The following OPRM1 variants were observed in gnomAD, a reference collection of about 807,000 sequenced individuals.
OPRM1 encodes the protein opioid receptor mu 1.
OPRM1 carries 27 observed loss-of-function variants against 31.8 expected under a neutral mutation model. The observed-to-expected ratio is 0.85, with a 90% CI of 0.63 to 1.17. OPRM1 has a LOEUF of 1.17. Ranked by LOEUF, OPRM1 falls within the 50% of genes most tolerant of loss-of-function variation. The probability of loss-of-function intolerance (pLI) is 0.00; values close to 1 mark genes in which losing one functional copy is unlikely to be tolerated. For synonymous variants in OPRM1, 196 were observed against 189.9 expected (o/e 1.03, Z -0.26); for missense variants, 536 against 511.1 (o/e 1.05, Z -0.47).
chr6:154,079,713 A>C (rs1788669305), intron 1 of OPRM1, among the ~76,000 whole-genome samples: 2 of 152,160 alleles, frequency 1.3e-5, no homozygotes, highest in African/African-American at 4.8e-5. Flanking sequence ...CTTTTTAATT[A>C]GTTTTCATTT....
chr6:154,182,576 T>C (rs957310800), intron 3 of OPRM1, among the ~76,000 whole-genome samples: 3 of 152,226 alleles, frequency 2.0e-5, no homozygotes, highest in Non-Finnish European at 4.4e-5. Flanking sequence ...TGTTTCCTCA[T>C]ATGCTAAGAA....
At chr6:154,081,071 A>G (rs1448277835) in intron 1 of OPRM1, among the ~76,000 whole-genome samples, 2 of 152,184 alleles carry the variant, frequency 1.3e-5, no homozygotes, top group East Asian at 3.8e-4. Context: ...TTTGAGAAGT[A>G]TTGTCTCTGA....
intron 3 of OPRM1, among the ~76,000 whole-genome samples, chr6:154,194,459 C>T (rs1472576430): frequency 6.6e-6 from 1 of 152,148 alleles, no homozygotes; most frequent in Non-Finnish European, 1.5e-5. Context: ...ATTCCTCTTA[C>T]CTTATTCACA....
intron 3 of OPRM1, among the ~76,000 whole-genome samples, chr6:154,165,450 T>C (rs973225588): frequency 5.3e-5 from 8 of 152,246 alleles, no homozygotes; most frequent in African/African-American, 1.9e-4. Flanking sequence ...TTTGCTTTTG[T>C]TCAGCTTCTT....
In OPRM1 at chr6:154,091,486, A is replaced by C. The variant is rs961097298; in HGVS notation, c.1164+14A>C. 5.6e-6 allele frequency: 9 copies of C among 1,601,082 alleles called. No individual in the cohort carries two copies. The Admixed American group carries it at 6.8e-5, about 12-fold the overall frequency. On this transcript the variant is annotated intron_variant, in intron 3 of 3. Coordinates refer to ENST00000330432, the MANE Select transcript of OPRM1 (RefSeq NM_000914.5). ...ACTAATCATCAGGTACGCAGTCTCT[A>C]GAATTAGGTATATCTACTGGGGATG...
At chr6:154,200,163 G>T in intron 3 of OPRM1, 1 of 826,896 alleles carries the variant, frequency 1.2e-6, no homozygotes, top group Non-Finnish European at 1.8e-6. Flanking sequence ...AATAATAAAA[G>T]AGTCAAAAGG....
At chr6:154,228,616 A>G (rs1229371769) in intron 3 of OPRM1, among the ~76,000 whole-genome samples, 4 of 152,174 alleles carry the variant, frequency 2.6e-5, no homozygotes, top group African/African-American at 9.6e-5. Flanking sequence ...GCAGCATTAA[A>G]TACATATTTT....
Position 154,091,070 on chromosome 6 carries a change from T to C in OPRM1, c.762T>C (p.Tyr254=), listed in dbSNP as rs1583485227. ...IMPVLIITVC[Y]GLMILRLKSV... ...CAGTGCTCATCATTACCGTGTGCTA[T>C]GGACTGATGATCTTGCGCCTCAAGA... Residue 254 remains tyrosine, a synonymous_variant, in exon 3 of 4, where the codon TAT becomes TAC. Transcript: ENST00000330432. The C allele has an allele frequency of 1.2e-6, 2 of 1,614,232 alleles. No homozygotes were observed. The highest frequency in any genetic ancestry group is 2.7e-5 in the African/African-American group (2 of 75,064).
chr6:154,076,563 A>T (rs1014469033), intron 1 of OPRM1, among the ~76,000 whole-genome samples: 1 of 152,108 alleles, frequency 6.6e-6, no homozygotes, highest in Non-Finnish European at 1.5e-5. Context: ...CACGCCTGTA[A>T]TCCCAGCACT....
intron 3 of OPRM1, 151 bp downstream of exon 3, chr6:154,091,623 T>G: frequency 7.0e-7 from 1 of 1,429,664 alleles, no homozygotes. Context: ...AGAAGAGGTT[T>G]GTTATATAAA....
chr6:154,064,916 G>A (rs2128442346), intron 1 of OPRM1, among the ~76,000 whole-genome samples: 1 of 152,208 alleles, frequency 6.6e-6, no homozygotes, highest in Non-Finnish European at 1.5e-5. Flanking sequence ...TTGAATTCAG[G>A]AAGTGTGAGT....
Position 154,031,897 on chromosome 6 carries a change from C to T in OPRM1, c.1-7264C>T, listed in dbSNP as rs75603983. 1.6e-3 allele frequency among the ~76,000 whole-genome samples: 249 copies of T among 152,204 alleles called. 8 individuals are homozygous for T. The East Asian group carries it at 0.04, about 25-fold the overall frequency. On this transcript the variant is annotated intron_variant, in intron 1 of 5. Coordinates refer to the OPRM1 transcript ENST00000434900. Reference sequence around the variant, plus strand: ...TGAGCTAGGAGCAAACGGTGAGTATCCAGAAATGCAGCTAGAAGGGTTTGT... The same window carrying T: ...TGAGCTAGGAGCAAACGGTGAGTATTCAGAAATGCAGCTAGAAGGGTTTGT...
Position 154,039,647 on chromosome 6 carries a change from T to A in OPRM1, c.103T>A (p.Ser35Thr). The change falls in exon 1 of 4, where the codon TCC becomes ACC. Residue 35 changes from serine (S) to threonine (T), a missense_variant. Physicochemically the swap from Ser to Thr is moderately conservative, Grantham distance 58. Coordinates refer to ENST00000330432, the MANE Select transcript of OPRM1 (RefSeq NM_000914.5). ...APSPGSWVNL[S>T]HLDGNLSDPC... ...CAGCCCCGGTTCCTGGGTCAACTTG[T>A]CCCACTTAGATGGCAACCTGTCCGA... 1.9e-6 allele frequency: 3 copies of A among 1,613,750 alleles called. No homozygotes were observed. The highest frequency in any genetic ancestry group is 2.5e-6 in the Non-Finnish European group (3 of 1,179,708).
At chr6:154,167,789 G>A in intron 3 of OPRM1, 1 of 640,316 alleles carries the variant, frequency 1.6e-6, no homozygotes, top group Non-Finnish European at 2.6e-6. Flanking sequence ...CCCTATAAAG[G>A]TTATATTTAC....
At chr6:154,225,893 C>T (rs537456135) in intron 3 of OPRM1, among the ~76,000 whole-genome samples, 46 of 152,320 alleles carry the variant, frequency 3.0e-4, no homozygotes, top group Admixed American at 6.5e-4. Flanking sequence ...ACTGTAGAGA[C>T]CAAAACTCCA....
Position 154,079,938 on chromosome 6 carries a change from T to C in OPRM1, c.291-9888T>C, listed in dbSNP as rs190889405. Among the ~76,000 whole-genome samples, 13 of 152,332 alleles carry C rather than the reference T, an allele frequency of 8.5e-5. No homozygotes were observed. In the East Asian group the frequency reaches 2.3e-3, roughly 27 times the overall value. On this transcript the variant is annotated intron_variant, in intron 1 of 3. Coordinates refer to ENST00000330432, the MANE Select transcript of OPRM1 (RefSeq NM_000914.5). ...CATACCTCTGTAATGCTTTCTTAAATGGTAGGCCGCATACTTTAGGAATGC... is the reference window on the plus strand; with the variant it reads ...CATACCTCTGTAATGCTTTCTTAAACGGTAGGCCGCATACTTTAGGAATGC...
chr6:154,072,380 A>G (rs934480261), intron 1 of OPRM1, among the ~76,000 whole-genome samples: 11 of 152,216 alleles, frequency 7.2e-5, no homozygotes, highest in African/African-American at 2.7e-4. Flanking sequence ...ATCATCACAT[A>G]TGTTACATAG....
chr6:154,195,059 T>C (rs186451893), intron 3 of OPRM1, among the ~76,000 whole-genome samples: 12 of 152,232 alleles, frequency 7.9e-5, no homozygotes, highest in African/African-American at 2.2e-4. Context: ...TCAGCTGTTA[T>C]GCAGGCTCCC....
Position 154,127,975 on chromosome 6 carries a change from T to TA in OPRM1, c.*9255dup, listed in dbSNP as rs1353782165. The stretch of plus-strand genomic sequence containing the variant: ...TTGCTTTATGGAAATTCATGGCCCT[T>TA]ATTTCTCAAGGGACCAGAGAAAACC... On this transcript the variant is annotated 3_prime_UTR_variant, in exon 4 of 4. Coordinates refer to ENST00000330432, the MANE Select transcript of OPRM1 (RefSeq NM_000914.5). 6.6e-6 allele frequency among the ~76,000 whole-genome samples: 1 copy of TA among 152,200 alleles called. No individual in the cohort carries two copies. The highest frequency in any genetic ancestry group is 6.5e-5 in the Admixed American group (1 of 15,280).
Sources: allele counts gnomAD v4.1 joint callset (sites outside exome capture counted in the v4.1 genomes callset), GRCh38; gene constraint gnomAD v4.1.1; transcripts MANE v1.5; gene names NCBI Gene and HGNC (gene_info 2026-07-23, HGNC 2026-07-21).